Variants in LRP5 observed in about 807,000 individuals in gnomAD.
The protein encoded by LRP5 is low-density lipoprotein receptor-related protein 5.
LRP5 carries 62 observed loss-of-function variants against 154.1 expected under a neutral mutation model. The observed-to-expected ratio is 0.40, with a 90% CI of 0.33 to 0.50. The LOEUF (loss-of-function observed/expected upper bound fraction) is 0.50, where lower values mean the gene tolerates loss of function less well. Among genes scored for constraint, LRP5 ranks in the 20% least tolerant of loss-of-function variants. LRP5 has a pLI of 0.55. For missense variants in LRP5, 1,915 were observed against 2,336.7 expected, an observed-to-expected ratio of 0.82 and a Z score of 3.72; for synonymous variants, 966 against 1,011.5, an observed-to-expected ratio of 0.96 and a Z score of 0.85.
At chr11:68,411,371 G>A (rs377167238) in intron 10 of LRP5, 65 bp from the exon 11 acceptor site, 38 of 1,560,296 alleles carry the variant, frequency 2.4e-5, no homozygotes, top group African/African-American at 2.0e-4. Context: ...GCGTCCCCCC[G>A]CCACCCACTG....
At chr11:68,367,444 G>T (rs558706144) in intron 5 of LRP5, among the ~76,000 whole-genome samples, 2 of 152,340 alleles carry the variant, frequency 1.3e-5, no homozygotes, top group Non-Finnish European at 2.9e-5. Context: ...GGTCTCCCTC[G>T]CAGACTGCCC....
chr11:68,324,043 C>G (rs1225006273), intron 1 of LRP5, among the ~76,000 whole-genome samples: 4 of 152,384 alleles, frequency 2.6e-5, no homozygotes, highest in African/African-American at 7.2e-5. Context: ...TCAGGGACTC[C>G]TGACCTGCCA....
chr11:68,433,822 C>A lies in LRP5; in HGVS notation c.3984C>A (p.Asp1328Glu), dbSNP rs555253491. 6.2e-7 allele frequency: 1 copy of A among 1,612,508 alleles called. No homozygotes were observed. Among genetic ancestry groups the A allele is most frequent in the Non-Finnish European group, 8.5e-7 (1 of 1,179,722 alleles). The change falls in exon 18 of 23, where the codon GAC becomes GAA. Residue 1328 changes from aspartate to glutamate, a missense_variant. By Grantham distance (45) the Asp-to-Glu change is conservative. Coordinates refer to ENST00000294304, the MANE Select transcript of LRP5 (RefSeq NM_002335.4). ...AGGCAGACTGTCAGGACCGCTCAGACGAGGCGGACTGTGACGGTGAGGCCC... is the reference window on the plus strand; with the variant it reads ...AGGCAGACTGTCAGGACCGCTCAGAAGAGGCGGACTGTGACGGTGAGGCCC... Reference protein sequence around the residue: ...DGEADCQDRSDEADCDAICLP... With the variant: ...DGEADCQDRSEEADCDAICLP...
chr11:68,436,654 AG>A (rs2098675127), intron 18 of LRP5, among the ~76,000 whole-genome samples: 1 of 152,128 alleles, frequency 6.6e-6, no homozygotes, highest in African/African-American at 2.4e-5. Context: ...CCTGGGGGGC[AG>A]GCAGGAGGTG....
In LRP5 at chr11:68,365,440, C is replaced by T; in HGVS notation, c.884-131C>T. ...GCCAGCGGGGAGGTCCCTGATGCCA[C>T]TTGAGGCCGATGTTTGGGCAGAGGG... On this transcript the variant is annotated intron_variant, in intron 4 of 22. Coordinates refer to ENST00000294304, the MANE Select transcript of LRP5 (RefSeq NM_002335.4). 2.9e-6 allele frequency: 4 copies of T among 1,390,462 alleles called. No individual in the cohort carries two copies. In the South Asian group the frequency reaches 4.8e-5, roughly 17 times the overall value. The allele number at this position is 1,390,462 out of a possible 1,614,324, so 86.1% of individuals were successfully genotyped here.
intron 1 of LRP5, among the ~76,000 whole-genome samples, chr11:68,341,120 G>A (rs1216322112): frequency 2.2e-5 from 3 of 135,312 alleles, no homozygotes; most frequent in East Asian, 2.1e-4. Context: ...TGACTCAGAC[G>A]TTTTCCTTCT....
intron 3 of LRP5, among the ~76,000 whole-genome samples, chr11:68,358,265 G>A (rs768716645): frequency 1.9e-4 from 29 of 151,980 alleles, no homozygotes; most frequent in East Asian, 3.9e-4. Flanking sequence ...ACAGGAGTGC[G>A]CCACCACACC....
At position 68,425,191 on chromosome 11, in the gene LRP5, C is replaced by G; in HGVS notation, c.3326C>G (p.Thr1109Ser). ...ACCGAGCGCGAGGTCCTCTTCACCA[C>G]CGGCCTCATCCGCCCTGTGGCCCTG... ...DGTEREVLFT[T>S]GLIRPVALVV... Residue 1109 changes from threonine (T) to serine (S), a missense_variant, in exon 15 of 23, where the codon ACC becomes AGC. Physicochemically the swap from Thr to Ser is moderately conservative, Grantham distance 58. Around this residue, in one of 3 missense-constraint regions of LRP5, gnomAD observed 1,094 missense variants for 1,210.1 expected, o/e 0.90. Coordinates refer to ENST00000294304, the MANE Select transcript of LRP5 (RefSeq NM_002335.4). The G allele has an allele frequency of 6.2e-7, 1 of 1,613,642 alleles. No individual in the cohort carries two copies. The highest frequency in any genetic ancestry group is 8.5e-7 in the Non-Finnish European group (1 of 1,180,002).
At chr11:68,437,519 T>C (rs758233742) in intron 19 of LRP5, among the ~76,000 whole-genome samples, 2 of 152,220 alleles carry the variant, frequency 1.3e-5, no homozygotes, top group Non-Finnish European at 2.9e-5. Context: ...AGGCAGTGGC[T>C]CCTGAAAGGC....
At chr11:68,388,894 C>G (rs866759355) in intron 6 of LRP5, among the ~76,000 whole-genome samples, 2 of 152,182 alleles carry the variant, frequency 1.3e-5, no homozygotes, top group Non-Finnish European at 2.9e-5. Flanking sequence ...CTGGCATGCT[C>G]AGTCCTCCAG....
intron 5 of LRP5, among the ~76,000 whole-genome samples, chr11:68,374,020 G>T (rs1316169313): frequency 6.6e-6 from 1 of 152,248 alleles, no homozygotes; most frequent in Non-Finnish European, 1.5e-5. Context: ...CCCAGATGAG[G>T]CTGGGGTGCG....
chr11:68,445,825 G>C (rs1282461589), intron 21 of LRP5: 2 of 457,260 alleles, frequency 4.4e-6, no homozygotes, highest in East Asian at 1.1e-4. Flanking sequence ...TTTGGGGCTG[G>C]TGCCAGCACA....
At chr11:68,320,183 A>G (rs1172976649) in intron 1 of LRP5, among the ~76,000 whole-genome samples, 1 of 152,150 alleles carries the variant, frequency 6.6e-6, no homozygotes, top group Non-Finnish European at 1.5e-5. Flanking sequence ...ACATACAAGC[A>G]TACATACATA....
intron 2 of LRP5, among the ~76,000 whole-genome samples, chr11:68,355,285 T>C (rs905079463): frequency 4.6e-5 from 7 of 152,172 alleles, no homozygotes; most frequent in African/African-American, 1.7e-4. Flanking sequence ...TTGGGCGAGC[T>C]GCCTGTTTCT....
intron 9 of LRP5, 81 bp downstream of exon 9, chr11:68,406,894 C>A: frequency 7.1e-7 from 1 of 1,416,904 alleles, no homozygotes; most frequent in Non-Finnish European, 9.8e-7. Context: ...GCTTCAGACA[C>A]TTTTCTTAAA....
At chr11:68,384,998 G>T (rs1385175412) in intron 5 of LRP5, among the ~76,000 whole-genome samples, 1 of 152,240 alleles carries the variant, frequency 6.6e-6, no homozygotes, top group Non-Finnish European at 1.5e-5. Flanking sequence ...CTTCTCTTGT[G>T]CCGGTTGTAC....
At chr11:68,396,037 C>T (rs1336990777) in intron 7 of LRP5, among the ~76,000 whole-genome samples, 4 of 151,978 alleles carry the variant, frequency 2.6e-5, no homozygotes, top group African/African-American at 4.8e-5. Context: ...AGGAAACACC[C>T]GCTGAGTACG....
chr11:68,420,791 G>A (rs1442594320), intron 13 of LRP5, among the ~76,000 whole-genome samples: 3 of 152,106 alleles, frequency 2.0e-5, no homozygotes, highest in Admixed American at 2.0e-4. Context: ...TCCACCTTTG[G>A]TTGTCGTGAA....
At chr11:68,437,037 C>T in intron 19 of LRP5, 38 bp downstream of exon 19, 1 of 1,566,860 alleles carries the variant, frequency 6.4e-7, no homozygotes, top group Non-Finnish European at 8.8e-7. Context: ...GGCGTCCGGG[C>T]TGGGTTCCCC....
Sources: gnomAD v4.1 joint callset for allele counts (sites outside exome capture counted in the v4.1 genomes callset) on GRCh38, gnomAD v4.1.1 for gene constraint, gnomAD v4.1.1 regional missense constraint, MANE v1.5 for transcripts, NCBI Gene and HGNC (gene_info 2026-07-23, HGNC 2026-07-21) for gene names.